Variants in RANBP2 observed in about 807,000 individuals in gnomAD.
RANBP2 encodes the protein RAN binding protein 2.
A neutral mutation model predicts 303.6 loss-of-function variants in RANBP2; 57 were observed. That is an observed-to-expected ratio of 0.19 (90% CI 0.15 to 0.23). The LOEUF is 0.23. Among genes scored for constraint, RANBP2 ranks in the 10% least tolerant of loss-of-function variants. The pLI is 1.00. For synonymous variants in RANBP2, 1,167 were observed against 1,301.5 expected (o/e 0.90, Z 2.23); for missense variants, 3,138 against 3,780.8 (o/e 0.83, Z 4.46).
chr2:108,855,270 G>C, the RANBP2 span, among the ~76,000 whole-genome samples: 2 of 152,052 alleles, frequency 1.3e-5, no homozygotes, highest in African/African-American at 4.8e-5. Flanking sequence ...AATCCTCAAG[G>C]ACAATTTTTT....
the RANBP2 span, chr2:109,617,166 T>A: frequency 6.0e-6 from 1 of 166,620 alleles, no homozygotes; most frequent in African/African-American, 2.4e-5. Context: ...TGTAGCAATG[T>A]TTTACAAATG....
chr2:109,375,647 T>C, the RANBP2 span, among the ~76,000 whole-genome samples: 1 of 152,114 alleles, frequency 6.6e-6, no homozygotes, highest in Non-Finnish European at 1.5e-5. Flanking sequence ...CAGGGCAGAG[T>C]GAACTCACAG....
the RANBP2 span, among the ~76,000 whole-genome samples, chr2:109,152,130 G>A: frequency 4.4e-4 from 67 of 152,314 alleles, no homozygotes; most frequent in Non-Finnish European, 6.6e-4. Context: ...TTTTTGGAGA[G>A]GATGAAATTT....
the RANBP2 span, among the ~76,000 whole-genome samples, chr2:109,423,072 C>T: frequency 1.3e-5 from 2 of 152,266 alleles, no homozygotes; most frequent in Admixed American, 1.3e-4. Context: ...CTTCCACAGT[C>T]GATGGGTGCA....
chr2:109,279,895 CAA>C, the RANBP2 span, among the ~76,000 whole-genome samples: 4 of 151,116 alleles, frequency 2.6e-5, no homozygotes, highest in African/African-American at 9.8e-5. Flanking sequence ...TGAGAGAGGA[CAA>C]GGGATGAGAG....
At chr2:109,028,378 C>T in the RANBP2 span, among the ~76,000 whole-genome samples, 37 of 152,350 alleles carry the variant, frequency 2.4e-4, no homozygotes, top group African/African-American at 4.3e-4. Context: ...TGCTGGGCCA[C>T]GGCCCTTACC....
chr2:109,399,075 G>A, the RANBP2 span: 1 of 1,100,510 alleles, frequency 9.1e-7, no homozygotes, highest in South Asian at 1.6e-5. Context: ...GTTGAGTGGG[G>A]TTTGCCCTTT....
chr2:108,910,540 G>A, the RANBP2 span: 1 of 1,610,958 alleles, frequency 6.2e-7, no homozygotes, highest in Non-Finnish European at 8.5e-7. Context: ...TGTCTGCAGG[G>A]AAATGGGGAG....
the RANBP2 span, among the ~76,000 whole-genome samples, chr2:109,305,849 A>G: frequency 9.8e-5 from 15 of 152,344 alleles, no homozygotes; most frequent in East Asian, 2.5e-3. Context: ...AGCAGGTGAC[A>G]GAGAAGAAAG....
rs777962677 is a variant in RANBP2 at position 108,763,571 on chromosome 2, C to T, written c.3032C>T (p.Pro1011Leu). The part of the protein sequence containing the change: ...FGKTNFVQPM[P>L]GEGLRPSLPT... ...AAAACTAATTTTGTTCAGCCCATGC[C>T]GGGTGAAGGATTAAGGCCATCTTTG... The change falls in exon 20 of 29, where the codon CCG becomes CTG. Residue 1011 changes from proline (P) to leucine (L), a missense_variant. Transcript: ENST00000283195. 22 of 1,613,922 alleles carry T rather than the reference C, an allele frequency of 1.4e-5. No individual in the cohort carries two copies. The highest frequency in any genetic ancestry group is 1.2e-4 in the South Asian group (11 of 91,086).
the RANBP2 span, among the ~76,000 whole-genome samples, chr2:109,434,974 G>A: frequency 3.9e-5 from 6 of 152,192 alleles, no homozygotes; most frequent in Non-Finnish European, 8.8e-5. Flanking sequence ...AGCACTTAGA[G>A]TGGCCCGGTC....
At chr2:109,515,909 C>A in the RANBP2 span, among the ~76,000 whole-genome samples, 1 of 152,160 alleles carries the variant, frequency 6.6e-6, no homozygotes, top group East Asian at 1.9e-4. Context: ...ATCCGCCCCA[C>A]GACCCAAACA....
the RANBP2 span, among the ~76,000 whole-genome samples, chr2:109,556,243 C>T: frequency 6.6e-6 from 1 of 152,158 alleles, no homozygotes; most frequent in African/African-American, 2.4e-5. Context: ...TGAGCCCTTC[C>T]ATTTGGGCTT....
At chr2:109,390,133 T>C in the RANBP2 span, among the ~76,000 whole-genome samples, 2 of 152,254 alleles carry the variant, frequency 1.3e-5, no homozygotes, top group Non-Finnish European at 2.9e-5. Flanking sequence ...CCCCACCTGC[T>C]GCCAAGGGTC....
chr2:109,553,624 G>T, the RANBP2 span, among the ~76,000 whole-genome samples: 4 of 146,896 alleles, frequency 2.7e-5, no homozygotes, highest in African/African-American at 1.0e-4. Flanking sequence ...AGGCTGAGGT[G>T]GGCAGATCAC....
In RANBP2 at chr2:108,785,710, T is replaced by G. The variant is rs964663795; in HGVS notation, c.*1809T>G. On this transcript the variant is annotated 3_prime_UTR_variant, in exon 29 of 29. Coordinates refer to ENST00000283195, the MANE Select transcript of RANBP2 (RefSeq NM_006267.5). Reference sequence around the variant, plus strand: ...TCTCTTTGTTATTTAATCACTGATGTGGTCTAAACCCACGATAATATGTAT... The same window carrying G: ...TCTCTTTGTTATTTAATCACTGATGGGGTCTAAACCCACGATAATATGTAT... 2 of 152,232 alleles carry G rather than the reference T, an allele frequency of 1.3e-5. No homozygotes were observed. The highest frequency in any genetic ancestry group is 2.9e-5 in the Non-Finnish European group (2 of 68,040). The allele number at this position is 152,232 out of a possible 1,614,324, so 9.4% of individuals were successfully genotyped here.
At chr2:109,576,414 T>A in the RANBP2 span, among the ~76,000 whole-genome samples, 1 of 152,094 alleles carries the variant, frequency 6.6e-6, no homozygotes, top group African/African-American at 2.4e-5. Context: ...AAATGATATT[T>A]TTTTTAATAA....
At chr2:109,655,537 C>T in the RANBP2 span, among the ~76,000 whole-genome samples, 5 of 152,110 alleles carry the variant, frequency 3.3e-5, no homozygotes, top group African/African-American at 9.7e-5. Flanking sequence ...GGGGAGACTG[C>T]GGAGACAGTG....
At chr2:109,629,253 T>C in the RANBP2 span, among the ~76,000 whole-genome samples, 3 of 101,772 alleles carry the variant, frequency 2.9e-5, no homozygotes, top group Non-Finnish European at 6.0e-5. Context: ...TTAACTAACA[T>C]TTAAATACTG....
Sources: allele counts gnomAD v4.1 joint callset (sites outside exome capture counted in the v4.1 genomes callset), GRCh38; gene constraint gnomAD v4.1.1; transcripts MANE v1.5; gene names NCBI Gene and HGNC (gene_info 2026-07-23, HGNC 2026-07-21).